The following TTC28 variants were observed in gnomAD, a reference collection of about 807,000 sequenced individuals.
The protein encoded by TTC28 is tetratricopeptide repeat protein 28.
In TTC28, 61 loss-of-function variants were observed where a neutral mutation model predicts 198.0. That is an observed-to-expected ratio of 0.31 (90% CI 0.25 to 0.38). The LOEUF (loss-of-function observed/expected upper bound fraction) is 0.38, where lower values mean the gene tolerates loss of function less well. Ranked by LOEUF, TTC28 falls within the 10% of genes least tolerant of loss-of-function variation. TTC28 has a pLI of 1.00. For synonymous variants in TTC28, 1,171 were observed against 1,297.8 expected (o/e 0.90, Z 2.10); for missense variants, 2,678 against 3,164.0 (o/e 0.85, Z 3.69).
chr22:28,186,471 A>G (rs1235645487), intron 5 of TTC28, among the ~76,000 whole-genome samples: 2 of 152,176 alleles, frequency 1.3e-5, no homozygotes, highest in African/African-American at 4.8e-5. Context: ...CTTCAGGTAT[A>G]AGTTTATTCC....
At chr22:28,361,538 A>T (rs5762568) in intron 2 of TTC28, among the ~76,000 whole-genome samples, 1 of 152,126 alleles carries the variant, frequency 6.6e-6, no homozygotes, top group Admixed American at 6.6e-5. Context: ...ATGAGGTTTA[A>T]GGAAAAAAGC....
chr22:28,028,153 T>C (rs953079842), intron 13 of TTC28, among the ~76,000 whole-genome samples: 12 of 152,346 alleles, frequency 7.9e-5, no homozygotes, highest in Non-Finnish European at 1.5e-4. Context: ...TGGAAGAGTC[T>C]GCAGAGACCC....
chr22:28,017,127 T>A (rs1249034227), intron 13 of TTC28, among the ~76,000 whole-genome samples: 4 of 152,064 alleles, frequency 2.6e-5, no homozygotes, highest in Non-Finnish European at 4.4e-5. Context: ...CTGGAGAGGA[T>A]GGCTGCAGCA....
chr22:28,369,018 C>A (rs1228963314), intron 2 of TTC28, among the ~76,000 whole-genome samples: 1 of 151,894 alleles, frequency 6.6e-6, no homozygotes, highest in African/African-American at 2.4e-5. Context: ...CAATGGCATT[C>A]TTCACAGAAG....
chr22:28,394,992 C>T (rs2046791816), intron 2 of TTC28, among the ~76,000 whole-genome samples: 1 of 152,128 alleles, frequency 6.6e-6, no homozygotes, highest in Non-Finnish European at 1.5e-5. Context: ...TTATTGTCTA[C>T]ACAATGAATA....
intron 5 of TTC28, among the ~76,000 whole-genome samples, chr22:28,294,956 A>G (rs1205905344): frequency 6.6e-6 from 1 of 152,202 alleles, no homozygotes. Context: ...CCTGGCTCTC[A>G]CTTCTTAATG....
chr22:28,055,889 G>A (rs1461774643), intron 12 of TTC28, among the ~76,000 whole-genome samples: 6 of 152,000 alleles, frequency 3.9e-5, no homozygotes, highest in Non-Finnish European at 2.9e-5. Flanking sequence ...ATTCTAATGT[G>A]TTTATTGTAT....
At chr22:28,129,006 ATG>A (rs1942988173) in intron 6 of TTC28, among the ~76,000 whole-genome samples, 2 of 152,208 alleles carry the variant, frequency 1.3e-5, no homozygotes, top group Non-Finnish European at 2.9e-5. Flanking sequence ...ATTGCAAAAG[ATG>A]CCTAACTGCC....
chr22:28,624,064 C>A (rs1392038888), intron 2 of TTC28, among the ~76,000 whole-genome samples: 2 of 151,986 alleles, frequency 1.3e-5, no homozygotes, highest in East Asian at 1.9e-4. Context: ...AGATAAAATG[C>A]ACTACAATAT....
intron 2 of TTC28, among the ~76,000 whole-genome samples, chr22:28,351,442 C>T (rs1211049540): frequency 2.6e-5 from 4 of 152,084 alleles, no homozygotes; most frequent in Non-Finnish European, 5.9e-5. Context: ...CTCAAGAATC[C>T]CATATATGCT....
At chr22:28,037,950 A>C (rs998163975) in intron 12 of TTC28, among the ~76,000 whole-genome samples, 9 of 152,120 alleles carry the variant, frequency 5.9e-5, no homozygotes, top group Non-Finnish European at 8.8e-5. Flanking sequence ...ACCTAGGAAA[A>C]CAACTTACAA....
intron 1 of TTC28, among the ~76,000 whole-genome samples, chr22:28,648,320 CATT>C (rs1308646037): frequency 1.3e-5 from 2 of 151,576 alleles, no homozygotes; most frequent in African/African-American, 4.9e-5. Context: ...CCAGAATGGC[CATT>C]ATTAAAAAAC....
intron 12 of TTC28, among the ~76,000 whole-genome samples, chr22:28,038,600 T>C (rs1191896220): frequency 2.6e-5 from 4 of 152,174 alleles, no homozygotes; most frequent in African/African-American, 2.4e-5. Flanking sequence ...ATTCAGGACA[T>C]AGGCATGGCC....
chr22:28,658,465 T>C (rs933135443), intron 1 of TTC28, among the ~76,000 whole-genome samples: 1 of 152,178 alleles, frequency 6.6e-6, no homozygotes, highest in Admixed American at 6.6e-5. Flanking sequence ...CAGACATGAT[T>C]TGAAACATGG....
chr22:28,552,858 C>A (rs1031550754), intron 2 of TTC28, among the ~76,000 whole-genome samples: 1 of 151,648 alleles, frequency 6.6e-6, no homozygotes, highest in Non-Finnish European at 1.5e-5. Context: ...ACTGTACTGC[C>A]GCCATCTCAG....
chr22:28,568,169 T>A (rs2050009235), intron 2 of TTC28, among the ~76,000 whole-genome samples: 1 of 152,156 alleles, frequency 6.6e-6, no homozygotes, highest in Admixed American at 6.5e-5. Context: ...ATAATTACAT[T>A]GGGAGAATGA....
At position 28,306,532 on chromosome 22, in the gene TTC28, C is replaced by G. The variant is rs2145809555; in HGVS notation, c.493G>C (p.Gly165Arg). 6.4e-7 allele frequency: 1 copy of G among 1,550,472 alleles called. No individual in the cohort carries two copies. Among genetic ancestry groups the G allele is most frequent in the East Asian group, 2.4e-5 (1 of 40,894 alleles). ...GATTTCATGGCGGCTTCCACCATCCCCACCAGAAGCTGGAGACTCTTGGGG... is the reference window on the plus strand; with the variant it reads ...GATTTCATGGCGGCTTCCACCATCCGCACCAGAAGCTGGAGACTCTTGGGG... ...QDPKSLQLLV[G>R]MVEAAMKSPM... The change falls in exon 3 of 23, where the codon GGG becomes CGG. Residue 165 changes from glycine to arginine, a missense_variant. Physicochemically the swap from Gly to Arg is moderately radical, Grantham distance 125. Transcript: ENST00000397906.
intron 2 of TTC28, among the ~76,000 whole-genome samples, chr22:28,602,892 T>G (rs2050663690): frequency 6.6e-6 from 1 of 152,196 alleles, no homozygotes; most frequent in Non-Finnish European, 1.5e-5. Flanking sequence ...TTCTTTTTAT[T>G]TTTTTGAGAC....
intron 2 of TTC28, among the ~76,000 whole-genome samples, chr22:28,479,708 T>C (rs1434805838): frequency 6.6e-6 from 1 of 152,150 alleles, no homozygotes; most frequent in African/African-American, 2.4e-5. Context: ...TATTCACTGA[T>C]ACTAACCTCA....
Sources: gnomAD v4.1 joint callset for allele counts (sites outside exome capture counted in the v4.1 genomes callset) on GRCh38, gnomAD v4.1.1 for gene constraint, MANE v1.5 for transcripts, NCBI Gene and HGNC (gene_info 2026-07-23, HGNC 2026-07-21) for gene names.